KCNQ5: variants seen among roughly 807,000 people sequenced by gnomAD.
KCNQ5 encodes potassium voltage-gated channel subfamily KQT member 5.
KCNQ5 carries 30 observed loss-of-function variants against 98.2 expected under a neutral mutation model. That is an observed-to-expected ratio of 0.31 (90% CI 0.23 to 0.41). KCNQ5 has a LOEUF of 0.41. Ranked by LOEUF, KCNQ5 falls within the 10% of genes least tolerant of loss-of-function variation. The pLI, the probability that KCNQ5 is intolerant of heterozygous loss-of-function variation, is 1.00. For synonymous variants in KCNQ5, 458 were observed against 449.4 expected, an observed-to-expected ratio of 1.02 and a Z score of -0.24; for missense variants, 835 against 1,182.5, an observed-to-expected ratio of 0.71 and a Z score of 4.31.
intron 1 of KCNQ5, among the ~76,000 whole-genome samples, chr6:72,757,490 G>T (rs1000655287): frequency 1.3e-5 from 2 of 152,116 alleles, no homozygotes; most frequent in Non-Finnish European, 2.9e-5. Context: ...TACCTTAAAA[G>T]TGCTCAGACA....
chr6:73,154,584 C>CA (rs1777280369), intron 10 of KCNQ5, among the ~76,000 whole-genome samples: 1 of 152,016 alleles, frequency 6.6e-6, no homozygotes, highest in Admixed American at 6.6e-5. Flanking sequence ...CCAATGTGAA[C>CA]ATTCTTCTAT....
intron 2 of KCNQ5, among the ~76,000 whole-genome samples, chr6:73,037,004 T>G (rs944157529): frequency 1.3e-5 from 2 of 152,224 alleles, no homozygotes; most frequent in Non-Finnish European, 2.9e-5. Context: ...CCCAGCATTT[T>G]GTGTTGTCAC....
chr6:73,037,161 T>G (rs558769481), intron 2 of KCNQ5, among the ~76,000 whole-genome samples: 31 of 152,378 alleles, frequency 2.0e-4, no homozygotes, highest in African/African-American at 7.2e-4. Context: ...CTTTTATGTA[T>G]GTCCTCTTTT....
chr6:72,806,713 C>G (rs1226305545), intron 1 of KCNQ5: 1 of 395,814 alleles, frequency 2.5e-6, no homozygotes, highest in Non-Finnish European at 4.9e-6. Context: ...TTCTGCATTT[C>G]CCATATTTTG....
At chr6:73,160,549 T>C (rs1423199520) in intron 10 of KCNQ5, among the ~76,000 whole-genome samples, 1 of 152,192 alleles carries the variant, frequency 6.6e-6, no homozygotes, top group Admixed American at 6.5e-5. Context: ...TGTTCCTGTA[T>C]CACCAATTTA....
intron 2 of KCNQ5, among the ~76,000 whole-genome samples, chr6:73,026,720 G>A (rs181537431): frequency 4.1e-4 from 62 of 152,220 alleles, no homozygotes; most frequent in African/African-American, 1.5e-3. Context: ...TAATGAGTGG[G>A]CTTATTTTAT....
At chr6:73,156,343 G>A (rs34000107) in intron 10 of KCNQ5, among the ~76,000 whole-genome samples, 8,641 of 152,302 alleles carry the variant, frequency 0.057, 301 homozygotes, top group Non-Finnish European at 0.077. Flanking sequence ...AAATAAAAAT[G>A]AATTGTGAGG....
At chr6:72,900,364 A>G (rs961773554) in intron 1 of KCNQ5, among the ~76,000 whole-genome samples, 26 of 148,280 alleles carry the variant, frequency 1.8e-4, no homozygotes, top group African/African-American at 6.4e-4. Context: ...ATATAAAGAA[A>G]CTTTATATAT....
At chr6:72,902,520 G>C (rs997279521) in intron 1 of KCNQ5, among the ~76,000 whole-genome samples, 24 of 152,012 alleles carry the variant, frequency 1.6e-4, no homozygotes, top group African/African-American at 5.6e-4. Context: ...TGTCCTGTAT[G>C]TGCCAGTTTT....
chr6:72,929,576 AATAC>A (rs1765598270), intron 1 of KCNQ5, among the ~76,000 whole-genome samples: 1 of 152,158 alleles, frequency 6.6e-6, no homozygotes, highest in African/African-American at 2.4e-5. Flanking sequence ...GTGCCAATGG[AATAC>A]ATAAAGTACA....
intron 1 of KCNQ5, among the ~76,000 whole-genome samples, chr6:72,969,240 T>C (rs1767759223): frequency 6.6e-6 from 1 of 152,250 alleles, no homozygotes; most frequent in South Asian, 2.1e-4. Flanking sequence ...ATAAATATTA[T>C]TGTCAGCTTT....
At chr6:73,128,402 GT>G (rs1437480747) in intron 9 of KCNQ5, among the ~76,000 whole-genome samples, 4 of 152,028 alleles carry the variant, frequency 2.6e-5, no homozygotes, top group African/African-American at 9.7e-5. Context: ...GTTTTTTTCT[GT>G]TTTGATATAA....
At chr6:73,094,657 C>G (rs546499039) in intron 5 of KCNQ5, among the ~76,000 whole-genome samples, 37 of 152,248 alleles carry the variant, frequency 2.4e-4, no homozygotes, top group African/African-American at 8.4e-4. Context: ...CTGAAAAAGA[C>G]TGTATCTTTC....
intron 1 of KCNQ5, among the ~76,000 whole-genome samples, chr6:72,880,089 T>A (rs988964649): frequency 2.0e-5 from 3 of 152,188 alleles, no homozygotes; most frequent in African/African-American, 4.8e-5. Flanking sequence ...GTCTGCCCTT[T>A]CCCCAGGGAA....
intron 3 of KCNQ5, among the ~76,000 whole-genome samples, chr6:73,069,329 G>A (rs1008751430): frequency 9.9e-5 from 15 of 151,478 alleles, no homozygotes; most frequent in African/African-American, 3.2e-4. Context: ...TGGAATTTTC[G>A]TGTGTTCGTG....
At chr6:72,869,185 A>G (rs765759821) in intron 1 of KCNQ5, among the ~76,000 whole-genome samples, 1 of 152,204 alleles carries the variant, frequency 6.6e-6, no homozygotes, top group Non-Finnish European at 1.5e-5. Context: ...CTTTCTGGTC[A>G]AGACTTAGTC....
chr6:73,141,491 T>C (rs1273776116), intron 10 of KCNQ5, among the ~76,000 whole-genome samples: 7 of 152,238 alleles, frequency 4.6e-5, no homozygotes, highest in Non-Finnish European at 1.0e-4. Context: ...CCAAGTGCTC[T>C]TTGTATTATA....
chr6:72,670,003 C>T (rs911651543), intron 1 of KCNQ5, among the ~76,000 whole-genome samples: 1 of 149,252 alleles, frequency 6.7e-6, no homozygotes, highest in African/African-American at 2.5e-5. Context: ...TTCTTCCATT[C>T]ATCTCTTTCC....
At chr6:72,751,325 A>T (rs114380612) in intron 1 of KCNQ5, among the ~76,000 whole-genome samples, 8,010 of 149,828 alleles carry the variant, frequency 0.053, 462 homozygotes, top group African/African-American at 0.15. Flanking sequence ...AAAAAAAAAA[A>T]ATATAAGAAA....
Sources: gnomAD v4.1 joint callset for allele counts (sites outside exome capture counted in the v4.1 genomes callset) on GRCh38, gnomAD v4.1.1 for gene constraint, MANE v1.5 for transcripts, NCBI Gene and HGNC (gene_info 2026-07-23, HGNC 2026-07-21) for gene names.